LHFPL6: variants seen among roughly 807,000 people sequenced by gnomAD.
LHFPL6 encodes LHFPL tetraspan subfamily member 6.
In LHFPL6, 9 loss-of-function variants were observed where a neutral mutation model predicts 20.6. That is an observed-to-expected ratio of 0.44 (90% CI 0.26 to 0.76). LHFPL6 has a LOEUF of 0.76. Among genes scored for constraint, LHFPL6 ranks in the 30% least tolerant of loss-of-function variants. The probability of loss-of-function intolerance (pLI) is 0.20; values close to 1 mark genes in which losing one functional copy is unlikely to be tolerated. For missense variants in LHFPL6, 218 were observed against 253.5 expected, an observed-to-expected ratio of 0.86 and a Z score of 0.95; for synonymous variants, 105 against 98.7, an observed-to-expected ratio of 1.06 and a Z score of -0.38.
intron 2 of LHFPL6, among the ~76,000 whole-genome samples, chr13:39,531,726 C>T (rs1397964238): frequency 6.6e-6 from 1 of 152,092 alleles, no homozygotes; most frequent in Admixed American, 6.5e-5. Context: ...GTGTGACCAC[C>T]GCATTAAGAG....
chr13:39,365,056 G>A (rs1044754796), intron 3 of LHFPL6, among the ~76,000 whole-genome samples: 1 of 152,174 alleles, frequency 6.6e-6, no homozygotes. Flanking sequence ...TTTATTTAGT[G>A]TATGGTGATA....
Position 39,360,756 on chromosome 13 carries a change from C to CAA in LHFPL6, c.485-16704_485-16703dup, listed in dbSNP as rs60151758. On this transcript the variant is annotated intron_variant, in intron 3 of 3. Coordinates refer to ENST00000379589, the MANE Select transcript of LHFPL6 (RefSeq NM_005780.3). The stretch of plus-strand genomic sequence containing the variant: ...AGATGGGCCTCAGATTGTAAGGGGA[C>CAA]AAAAAAAAAAAAAAACCTTTCTGAA... 1.2e-3 allele frequency among the ~76,000 whole-genome samples: 58 copies of CAA among 48,168 alleles called. 17 individuals carry two copies. Among genetic ancestry groups the CAA allele is most frequent in the Non-Finnish European group, 1.9e-3 (43 of 22,062 alleles). 31.6% of individuals were successfully genotyped at this position (48,168 alleles called of 152,430 possible).
chr13:39,353,082 A>G (rs1168064272), intron 3 of LHFPL6, among the ~76,000 whole-genome samples: 2 of 148,390 alleles, frequency 1.3e-5, no homozygotes, highest in Non-Finnish European at 3.0e-5. Context: ...TCCCAGGTTC[A>G]AGGTATTCTC....
intron 2 of LHFPL6, among the ~76,000 whole-genome samples, chr13:39,562,707 T>C (rs961467799): frequency 2.3e-4 from 28 of 121,976 alleles, no homozygotes; most frequent in African/African-American, 4.1e-4. Flanking sequence ...TATATATATA[T>C]ACACACACAC....
At chr13:39,489,628 C>T (rs868144098) in intron 2 of LHFPL6, among the ~76,000 whole-genome samples, 3 of 151,690 alleles carry the variant, frequency 2.0e-5, no homozygotes, top group South Asian at 2.1e-4. Flanking sequence ...GATCTCGGCT[C>T]ACTGCAACTT....
chr13:39,443,527 T>C (rs1476015189), intron 2 of LHFPL6, among the ~76,000 whole-genome samples: 3 of 152,060 alleles, frequency 2.0e-5, no homozygotes, highest in African/African-American at 7.2e-5. Flanking sequence ...TAGTAAAAGC[T>C]TGGATTGCTG....
At chr13:39,456,865 C>T (rs1420940216) in intron 2 of LHFPL6, among the ~76,000 whole-genome samples, 1 of 151,592 alleles carries the variant, frequency 6.6e-6, no homozygotes, top group African/African-American at 2.4e-5. Flanking sequence ...GGCGTGATCT[C>T]GGCTCACTGC....
chr13:39,378,612 A>G, intron 2 of LHFPL6, 86 bp from the exon 3 acceptor site: 1 of 999,362 alleles, frequency 1.0e-6, no homozygotes, highest in Non-Finnish European at 1.6e-6. Flanking sequence ...TAGCAATATA[A>G]CAAGACCATA....
At chr13:39,439,794 C>T (rs2138412548) in intron 2 of LHFPL6, among the ~76,000 whole-genome samples, 1 of 152,238 alleles carries the variant, frequency 6.6e-6, no homozygotes, top group East Asian at 1.9e-4. Flanking sequence ...GAAGTGCCTA[C>T]CTCACTCCCC....
At chr13:39,392,855 C>CGG (rs1214838861) in intron 2 of LHFPL6, among the ~76,000 whole-genome samples, 5 of 151,852 alleles carry the variant, frequency 3.3e-5, no homozygotes, top group Non-Finnish European at 7.4e-5. Context: ...AAGATACAAT[C>CGG]GGCCCTCTGT....
In LHFPL6 at chr13:39,416,875, A is replaced by G. The variant is rs141034365; in HGVS notation, c.386-38349T>C. Among the ~76,000 whole-genome samples the G allele has an allele frequency of 5.8e-3, 883 of 152,300 alleles. 11 individuals carry two copies. The highest frequency in any genetic ancestry group is 0.02 in the African/African-American group (834 of 41,568). ...AGCACCTATTTTTATCTTCTTGTCT[A>G]CCATAGGCATATGAACATTTGTCAC... On this transcript the variant is annotated intron_variant, in intron 2 of 3. Transcript: ENST00000379589.
intron 2 of LHFPL6, among the ~76,000 whole-genome samples, chr13:39,378,960 G>A (rs1012666975): frequency 2.0e-5 from 3 of 152,102 alleles, no homozygotes; most frequent in African/African-American, 7.2e-5. Flanking sequence ...ATGATTCAGT[G>A]TTGTCAAATT....
At chr13:39,572,040 T>C (rs1370154744) in intron 2 of LHFPL6, among the ~76,000 whole-genome samples, 1 of 152,144 alleles carries the variant, frequency 6.6e-6, no homozygotes, top group Non-Finnish European at 1.5e-5. Context: ...AGGTTATAAA[T>C]GTGACAATTA....
chr13:39,462,143 C>A (rs948885844), intron 2 of LHFPL6, among the ~76,000 whole-genome samples: 3 of 152,112 alleles, frequency 2.0e-5, no homozygotes, highest in African/African-American at 7.2e-5. Context: ...ATGGACAGAG[C>A]AGACACTTGG....
At chr13:39,434,485 A>G (rs922587613) in intron 2 of LHFPL6, among the ~76,000 whole-genome samples, 5 of 152,172 alleles carry the variant, frequency 3.3e-5, no homozygotes, top group Non-Finnish European at 7.4e-5. Flanking sequence ...TATAGATGTT[A>G]TAAAACAATC....
At chr13:39,527,016 T>A (rs932710713) in intron 2 of LHFPL6, among the ~76,000 whole-genome samples, 15 of 152,224 alleles carry the variant, frequency 9.9e-5, no homozygotes, top group African/African-American at 3.6e-4. Flanking sequence ...TGTTAAATGG[T>A]ACTACAGGTT....
chr13:39,546,946 T>C (rs1227071572), intron 2 of LHFPL6, among the ~76,000 whole-genome samples: 1 of 152,046 alleles, frequency 6.6e-6, no homozygotes, highest in Non-Finnish European at 1.5e-5. Flanking sequence ...AGACTAAAGA[T>C]CCTTAATATG....
chr13:39,532,667 T>C (rs945405728), intron 2 of LHFPL6, among the ~76,000 whole-genome samples: 5 of 152,142 alleles, frequency 3.3e-5, no homozygotes, highest in Non-Finnish European at 5.9e-5. Flanking sequence ...TCATCCTTAA[T>C]AGAGACAGAA....
intron 2 of LHFPL6, among the ~76,000 whole-genome samples, chr13:39,451,065 C>T (rs951658663): frequency 1.3e-5 from 2 of 152,106 alleles, no homozygotes; most frequent in Admixed American, 6.5e-5. Flanking sequence ...CGGAAGATAG[C>T]TGGATTGTAA....
Sources: allele counts gnomAD v4.1 joint callset (sites outside exome capture counted in the v4.1 genomes callset), GRCh38; gene constraint gnomAD v4.1.1; transcripts MANE v1.5; gene names NCBI Gene and HGNC (gene_info 2026-07-23, HGNC 2026-07-21).